PDIA6: variants seen among roughly 807,000 people sequenced by gnomAD.
The protein encoded by PDIA6 is protein disulfide isomerase family A member 6, also known as protein disulfide-isomerase A6.
PDIA6 carries 29 observed loss-of-function variants against 58.4 expected under a neutral mutation model. The observed-to-expected ratio is 0.50, with a 90% CI of 0.37 to 0.68. The LOEUF (loss-of-function observed/expected upper bound fraction) is 0.68, where lower values mean the gene tolerates loss of function less well. Among genes scored for constraint, PDIA6 ranks in the 30% least tolerant of loss-of-function variants. The pLI is 0.00. For missense variants in PDIA6, 480 were observed against 551.0 expected, an observed-to-expected ratio of 0.87 and a Z score of 1.29; for synonymous variants, 192 against 202.6, an observed-to-expected ratio of 0.95 and a Z score of 0.44.
At chr2:10,805,934 T>G (rs1666712377) in intron 1 of PDIA6, among the ~76,000 whole-genome samples, 2 of 73,376 alleles carry the variant, frequency 2.7e-5, no homozygotes, top group Non-Finnish European at 6.0e-5. Context: ...GGGGGAGGGA[T>G]AGCATCGGGA....
At position 10,787,699 on chromosome 2, in the gene PDIA6, G is replaced by C. The variant is rs144225250; in HGVS notation, c.999-260C>G. 3.7e-3 allele frequency among the ~76,000 whole-genome samples: 562 copies of C among 152,302 alleles called. 5 individuals are homozygous for C. The highest frequency in any genetic ancestry group is 0.013 in the African/African-American group (543 of 41,564). ...CTAATGGAGGAGGAGCAAGGTCATCGAGAGAGGGACAACAGGGGGCGCTAG... is the reference window on the plus strand; with the variant it reads ...CTAATGGAGGAGGAGCAAGGTCATCCAGAGAGGGACAACAGGGGGCGCTAG... On this transcript the variant is annotated intron_variant, in intron 10 of 12. Transcript: ENST00000272227.
intron 4 of PDIA6, 117 bp downstream of exon 4, chr2:10,796,964 G>C: frequency 1.2e-6 from 1 of 816,358 alleles, no homozygotes. Flanking sequence ...ACCATTTATA[G>C]ATAATTCAGG....
intron 1 of PDIA6, chr2:10,823,419 G>A (rs534766270): frequency 6.6e-6 from 1 of 152,184 alleles, no homozygotes; most frequent in Non-Finnish European, 1.5e-5. Context: ...GTGGGAGAGG[G>A]TTAAGAAGAA....
intron 5 of PDIA6, among the ~76,000 whole-genome samples, chr2:10,792,604 T>A (rs1419701771): frequency 6.6e-6 from 1 of 152,208 alleles, no homozygotes; most frequent in African/African-American, 2.4e-5. Context: ...AACATCAGTG[T>A]AAGCTTCACA....
upstream of PDIA6, among the ~76,000 whole-genome samples, chr2:10,815,031 G>A (rs991181583): frequency 2.0e-5 from 3 of 152,192 alleles, no homozygotes; most frequent in African/African-American, 4.8e-5. Context: ...GGCTGAATGC[G>A]CAGCTGCACG....
rs777192995 is a variant in PDIA6 at position 10,791,924 on chromosome 2, C to T, written c.455G>A (p.Gly152Asp). The change falls in exon 6 of 13, where the codon GGC becomes GAC. Residue 152 changes from glycine to aspartate, a missense_variant and splice_region_variant. Gly to Asp is a moderately conservative substitution (Grantham distance 94). Transcript: ENST00000272227. ...CTTCTTACTTGAACTATCACTTCTGCCCTGTCATTTATGACATTAAACATC... is the reference window on the plus strand; with the variant it reads ...CTTCTTACTTGAACTATCACTTCTGTCCTGTCATTTATGACATTAAACATC... Reference protein sequence around the residue: ...RSGGYSSGKQGRSDSSSKKDV... With the variant: ...RSGGYSSGKQDRSDSSSKKDV... The T allele has an allele frequency of 2.5e-6, 4 of 1,612,884 alleles. No homozygotes were observed. The East Asian group carries it at 6.7e-5, about 27-fold the overall frequency.
At chr2:10,828,981 C>T (rs1424395338) in intron 1 of PDIA6, among the ~76,000 whole-genome samples, 1 of 152,200 alleles carries the variant, frequency 6.6e-6, no homozygotes. Context: ...ATCACGTTAA[C>T]AGTGTTATCC....
In PDIA6 at chr2:10,802,634, A is replaced by T. The variant is rs373974198; in HGVS notation, c.26T>A (p.Val9Glu). ...CACTGCCAGAAAGAAGGTACAGCTC[A>T]CCAGACCTGAAGATAAAAACAAAAG... is the stretch of plus-strand genomic sequence containing the variant. MALLVLGL[V>E]SCTFFLAVNG... The change falls in exon 2 of 13, where the codon GTG becomes GAG. Residue 9 changes from valine (V) to glutamate (E), a missense_variant. Coordinates refer to ENST00000272227, the MANE Select transcript of PDIA6 (RefSeq NM_005742.4). 2.1e-5 allele frequency: 30 copies of T among 1,451,942 alleles called. No individual in the cohort carries two copies. The highest frequency in any genetic ancestry group is 2.6e-5 in the Non-Finnish European group (29 of 1,102,060). 89.9% of individuals were successfully genotyped at this position (1,451,942 alleles called of 1,614,324 possible). A position where few individuals can be genotyped will look rare whatever the true frequency, so the allele number is the denominator to read the frequency against.
At chr2:10,804,933 A>C (rs1666669878) in intron 1 of PDIA6, among the ~76,000 whole-genome samples, 3 of 114,556 alleles carry the variant, frequency 2.6e-5, no homozygotes, top group Admixed American at 1.9e-4. Context: ...TCTTTGAAGC[A>C]ATTGTGAATG....
At chr2:10,821,713 C>T (rs1204352935) in intron 1 of PDIA6, among the ~76,000 whole-genome samples, 1 of 151,976 alleles carries the variant, frequency 6.6e-6, no homozygotes, top group Middle Eastern at 3.2e-3. Context: ...CAGCCTTGAC[C>T]CCCTAGGCTC....
chr2:10,793,263 C>T, intron 4 of PDIA6, 61 bp from the exon 5 acceptor site: 1 of 1,126,784 alleles, frequency 8.9e-7, no homozygotes. Context: ...CTCATCTGGC[C>T]CGGCCCAAGA....
upstream of PDIA6, among the ~76,000 whole-genome samples, chr2:10,816,392 A>ATT (rs11457276): frequency 0.11 from 15,765 of 144,544 alleles, 1,092 homozygotes; most frequent in East Asian, 0.35. Context: ...GGCCTGTATC[A>ATT]TTTTTTTTTT....
intron 1 of PDIA6, among the ~76,000 whole-genome samples, chr2:10,824,865 T>TAATATA (rs1667504118): frequency 6.6e-6 from 1 of 152,232 alleles, no homozygotes; most frequent in South Asian, 2.1e-4. Flanking sequence ...CTGTGATGGT[T>TAATATA]AATATAGAGT....
intron 1 of PDIA6, among the ~76,000 whole-genome samples, chr2:10,806,624 A>AAGACAGAAAGAC (rs1666764793): frequency 7.2e-6 from 1 of 139,774 alleles, no homozygotes; most frequent in Admixed American, 7.3e-5. Flanking sequence ...CTAAAAAATA[A>AAGACAGAAAGAC]AGACAGAAAG....
At position 10,806,045 on chromosome 2, in the gene PDIA6, C is replaced by T. The variant is rs56408324; in HGVS notation, c.20-3405G>A. On this transcript the variant is annotated intron_variant, in intron 1 of 12. Transcript: ENST00000272227. Reference sequence around the variant, plus strand: ...ATAATTAAAAAAAAAAAAAAAAAAACGAAAAAAACCTTACAGAATACGGAT... The same window carrying T: ...ATAATTAAAAAAAAAAAAAAAAAAATGAAAAAAACCTTACAGAATACGGAT... Among the ~76,000 whole-genome samples, 140 of 109,170 alleles carry T rather than the reference C, an allele frequency of 1.3e-3. 2 individuals are homozygous for T. Among genetic ancestry groups the T allele is most frequent in the African/African-American group, 4.2e-3 (127 of 30,324 alleles). 71.6% of individuals were successfully genotyped at this position (109,170 alleles called of 152,430 possible). A position where few individuals can be genotyped will look rare whatever the true frequency, so the allele number is the denominator to read the frequency against.
chr2:10,821,007 G>C (rs1346630714), intron 1 of PDIA6: 2 of 585,652 alleles, frequency 3.4e-6, no homozygotes, highest in Non-Finnish European at 6.2e-6. Context: ...CAGGACGAAG[G>C]GGAGGGGGGT....
At chr2:10,797,637 A>G (rs371485457) in intron 3 of PDIA6, 63 bp downstream of exon 3, 7 of 1,096,160 alleles carry the variant, frequency 6.4e-6, no homozygotes, top group Non-Finnish European at 9.7e-6. Context: ...GTGAATATGG[A>G]CATCTTAGAA....
chr2:10,819,426 C>T, intron 1 of PDIA6: 1 of 885,268 alleles, frequency 1.1e-6, no homozygotes. Flanking sequence ...TCACCATATG[C>T]CAGGCTCCAC....
intron 4 of PDIA6, among the ~76,000 whole-genome samples, chr2:10,796,060 CTTTTTT>C (rs78611007): frequency 2.8e-5 from 4 of 144,092 alleles, no homozygotes; most frequent in Admixed American, 1.4e-4. Context: ...TTTGTGATAT[CTTTTTT>C]TTTTTTTTTT....
Sources: allele counts gnomAD v4.1 joint callset (sites outside exome capture counted in the v4.1 genomes callset), GRCh38; gene constraint gnomAD v4.1.1; transcripts MANE v1.5; gene names NCBI Gene and HGNC (gene_info 2026-07-23, HGNC 2026-07-21).